The following GRK3 variants were observed in gnomAD, a reference collection of about 807,000 sequenced individuals.
GRK3 encodes the protein adrenergic, beta, receptor kinase 2.
A neutral mutation model predicts 95.7 loss-of-function variants in GRK3; 54 were observed. The ratio of observed to expected loss-of-function variants is 0.56; its 90% CI spans 0.45 to 0.71. The LOEUF (loss-of-function observed/expected upper bound fraction) is 0.71, where lower values mean the gene tolerates loss of function less well. Among genes scored for constraint, GRK3 ranks in the 30% least tolerant of loss-of-function variants. The pLI is 0.00. For missense variants in GRK3, 649 were observed against 851.2 expected, an observed-to-expected ratio of 0.76 and a Z score of 2.96; for synonymous variants, 281 against 290.8, an observed-to-expected ratio of 0.97 and a Z score of 0.34.
At position 25,596,741 on chromosome 22, in the gene GRK3, A is replaced by G. The variant is rs559571624; in HGVS notation, c.114-7636A>G. Among the ~76,000 whole-genome samples, 7 of 152,312 alleles carry G rather than the reference A, an allele frequency of 4.6e-5. 1 individual carries two copies. The highest frequency in any genetic ancestry group is 1.7e-4 in the African/African-American group (7 of 41,564). On this transcript the variant is annotated intron_variant, in intron 1 of 20. Transcript: ENST00000324198. ...ATATCTTTATTGAGACTCATAATTTACTTGATACTTACCATGGCTCAAGTG... is the reference window on the plus strand; with the variant it reads ...ATATCTTTATTGAGACTCATAATTTGCTTGATACTTACCATGGCTCAAGTG...
chr22:25,622,300 G>A (rs967840631), intron 2 of GRK3, among the ~76,000 whole-genome samples: 7 of 152,200 alleles, frequency 4.6e-5, no homozygotes, highest in African/African-American at 1.4e-4. Context: ...GACCTTGGGC[G>A]GGATGCGGGG....
chr22:25,620,709 C>A (rs1245903393), intron 2 of GRK3, among the ~76,000 whole-genome samples: 1 of 152,192 alleles, frequency 6.6e-6, no homozygotes, highest in Non-Finnish European at 1.5e-5. Flanking sequence ...GGAACAGCAG[C>A]TAGGCCTCCT....
intron 2 of GRK3, among the ~76,000 whole-genome samples, chr22:25,630,105 C>A (rs367797528): frequency 6.6e-6 from 1 of 152,160 alleles, no homozygotes; most frequent in African/African-American, 2.4e-5. Context: ...GTACTGAAAT[C>A]ATGAGTTCAT....
intron 5 of GRK3, among the ~76,000 whole-genome samples, chr22:25,665,314 A>T (rs901286192): frequency 1.3e-5 from 2 of 152,232 alleles, no homozygotes; most frequent in African/African-American, 2.4e-5. Context: ...TTCAGTTTTC[A>T]TCTGACTTTG....
intron 2 of GRK3, among the ~76,000 whole-genome samples, chr22:25,627,859 G>A (rs1438261806): frequency 6.6e-6 from 1 of 152,208 alleles, no homozygotes; most frequent in Non-Finnish European, 1.5e-5. Flanking sequence ...CGCCAGGAAT[G>A]ACAAGGAGCC....
chr22:25,674,948 G>GAAA (rs976691787), intron 8 of GRK3, among the ~76,000 whole-genome samples: 1 of 145,296 alleles, frequency 6.9e-6, no homozygotes, highest in East Asian at 2.0e-4. Flanking sequence ...CTCTGTCTTG[G>GAAA]AAAAAAAAAA....
chr22:25,690,795 ATTTC>A (rs1308727045), intron 12 of GRK3, among the ~76,000 whole-genome samples: 1 of 151,582 alleles, frequency 6.6e-6, no homozygotes, highest in Non-Finnish European at 1.5e-5. Flanking sequence ...AATTAGGAAT[ATTTC>A]TTTCTTTCTT....
intron 2 of GRK3, among the ~76,000 whole-genome samples, chr22:25,611,034 G>A (rs1257795489): frequency 6.6e-6 from 1 of 151,988 alleles, no homozygotes; most frequent in Admixed American, 6.6e-5. Flanking sequence ...GCTAATTTTT[G>A]TATTTTTAGT....
intron 8 of GRK3, among the ~76,000 whole-genome samples, chr22:25,675,220 CCGA>C (rs1383233536): frequency 1.1e-4 from 16 of 150,500 alleles, no homozygotes; most frequent in African/African-American, 4.0e-4. Flanking sequence ...TAAAGACTCA[CCGA>C]CGATGAAGTG....
rs1304337590 is a variant in GRK3 at position 25,722,462 on chromosome 22, A to T, written c.*12A>T. 1.9e-6 allele frequency: 3 copies of T among 1,613,384 alleles called. No individual in the cohort carries two copies. The highest frequency in any genetic ancestry group is 2.5e-6 in the Non-Finnish European group (3 of 1,179,528). On this transcript the variant is annotated 3_prime_UTR_variant, in exon 21 of 21. Coordinates refer to ENST00000324198, the MANE Select transcript of GRK3 (RefSeq NM_005160.4). ...GCAACGGCCTCTAGCACCCAGAAAC[A>T]GGGAGGGTCCTCGAGGAGGACACAC... is the stretch of plus-strand genomic sequence containing the variant.
At chr22:25,616,854 C>G (rs1427446820) in intron 2 of GRK3, among the ~76,000 whole-genome samples, 1 of 152,156 alleles carries the variant, frequency 6.6e-6, no homozygotes, top group Admixed American at 6.5e-5. Flanking sequence ...GTTTATGCCT[C>G]TTGGAATTAA....
chr22:25,599,993 T>G (rs1006614158), intron 1 of GRK3, among the ~76,000 whole-genome samples: 1 of 152,326 alleles, frequency 6.6e-6, no homozygotes, highest in African/African-American at 2.4e-5. Context: ...ATGATCTAGC[T>G]AATTCACTTA....
intron 17 of GRK3, among the ~76,000 whole-genome samples, chr22:25,711,444 G>GA (rs2085343104): frequency 6.6e-6 from 1 of 152,022 alleles, no homozygotes; most frequent in Non-Finnish European, 1.5e-5. Flanking sequence ...CCTGAAGCAG[G>GA]AAAAACAGCT....
rs572348225 is a variant in GRK3, at chr22:25,626,492, G to A, written c.191-18100G>A. ...TTCCGCAAGAGATATCCCCACTTCC[G>A]GGATGCTATTAAGGCACTGGGTGTT... On this transcript the variant is annotated intron_variant, in intron 2 of 20. Transcript: ENST00000324198. 5.5e-4 allele frequency among the ~76,000 whole-genome samples: 84 copies of A among 152,216 alleles called. 1 individual carries two copies. The South Asian group carries it at 6.0e-3, about 11-fold the overall frequency.
At chr22:25,677,161 G>C (rs368751888) in intron 8 of GRK3, among the ~76,000 whole-genome samples, 11 of 152,062 alleles carry the variant, frequency 7.2e-5, no homozygotes, top group African/African-American at 2.7e-4. Flanking sequence ...AGGAGTTCGA[G>C]ACCAGCCTGG....
At chr22:25,663,141 G>T (rs1476478268) in intron 4 of GRK3, among the ~76,000 whole-genome samples, 1 of 152,060 alleles carries the variant, frequency 6.6e-6, no homozygotes, top group Non-Finnish European at 1.5e-5. Flanking sequence ...TCAGCCTCCA[G>T]AGTAGTTAGG....
intron 2 of GRK3, among the ~76,000 whole-genome samples, chr22:25,627,890 C>T (rs113725821): frequency 0.02 from 3,003 of 152,306 alleles, 45 homozygotes; most frequent in Non-Finnish European, 0.028. Flanking sequence ...ACACAGATCA[C>T]TCACATGGAT....
chr22:25,631,225 C>G (rs1239689588), intron 2 of GRK3, among the ~76,000 whole-genome samples: 1 of 152,184 alleles, frequency 6.6e-6, no homozygotes, highest in African/African-American at 2.4e-5. Flanking sequence ...GTCATCTACA[C>G]TTTCCCTTAT....
chr22:25,675,458 AT>A (rs112270545), intron 8 of GRK3, among the ~76,000 whole-genome samples: 61 of 147,692 alleles, frequency 4.1e-4, no homozygotes, highest in East Asian at 1.2e-3. Context: ...GTGGGGGAAC[AT>A]TTTTTTTTTT....
Sources: allele counts gnomAD v4.1 joint callset (sites outside exome capture counted in the v4.1 genomes callset), GRCh38; gene constraint gnomAD v4.1.1; transcripts MANE v1.5; gene names NCBI Gene and HGNC (gene_info 2026-07-23, HGNC 2026-07-21).